Variants in PGBD5 observed in about 807,000 individuals in gnomAD.
The protein encoded by PGBD5 is piggyBac transposable element-derived protein 5.
PGBD5 carries 14 observed loss-of-function variants against 47.9 expected under a neutral mutation model. The ratio of observed to expected loss-of-function variants is 0.29; its 90% CI spans 0.19 to 0.46. The LOEUF is 0.46. Ranked by LOEUF, PGBD5 falls within the 20% of genes least tolerant of loss-of-function variation. The probability of loss-of-function intolerance (pLI) is 1.00; values close to 1 mark genes in which losing one functional copy is unlikely to be tolerated. For synonymous variants in PGBD5, 316 were observed against 306.3 expected, an observed-to-expected ratio of 1.03 and a Z score of -0.33; for missense variants, 635 against 716.0, an observed-to-expected ratio of 0.89 and a Z score of 1.29.
chr1:230,411,292 G>C (rs1657403060), intron 1 of PGBD5, among the ~76,000 whole-genome samples: 1 of 152,100 alleles, frequency 6.6e-6, no homozygotes, highest in Admixed American at 6.6e-5. Flanking sequence ...CTCAAAAAAG[G>C]GCGGAGAGGG....
At chr1:230,361,005 A>G (rs1405592838) in intron 1 of PGBD5, among the ~76,000 whole-genome samples, 3 of 152,156 alleles carry the variant, frequency 2.0e-5, no homozygotes, top group South Asian at 4.1e-4. Flanking sequence ...ACTCTAAGTG[A>G]CTCACAGCTG....
intron 1 of PGBD5, among the ~76,000 whole-genome samples, chr1:230,365,523 C>T (rs780099294): frequency 1.2e-4 from 18 of 152,300 alleles, no homozygotes; most frequent in African/African-American, 1.9e-4. Context: ...CAACACGACA[C>T]GTGAGATTTC....
chr1:230,389,610 G>A (rs1656738355), intron 1 of PGBD5, among the ~76,000 whole-genome samples: 1 of 152,164 alleles, frequency 6.6e-6, no homozygotes, highest in Non-Finnish European at 1.5e-5. Context: ...AGAGAAGCAG[G>A]GCTTTTCCAT....
chr1:230,351,189 G>T, intron 2 of PGBD5, 97 bp from the exon 3 acceptor site: 1 of 1,348,902 alleles, frequency 7.4e-7, no homozygotes, highest in Non-Finnish European at 9.8e-7. Context: ...CATTTGAGCA[G>T]CTCTGTGACC....
rs1666963773 is a variant in PGBD5, at chr1:230,317,204, A to G, written c.*6221T>C. ...CATGGCACCCTCAAGGGCACAGACC[A>G]CGTTGGGGTAACACGTGCCCAGTTC... On this transcript the variant is annotated 3_prime_UTR_variant, in exon 7 of 7. Coordinates refer to ENST00000391860, the MANE Select transcript of PGBD5 (RefSeq NM_001258311.2). 1 of 152,254 alleles carries G rather than the reference A, an allele frequency of 6.6e-6. No individual in the cohort carries two copies. The highest frequency in any genetic ancestry group is 1.5e-5 in the Non-Finnish European group (1 of 68,060). The allele number at this position is 152,254 out of a possible 1,614,324, so 9.4% of individuals were successfully genotyped here.
chr1:230,323,426 C>A lies in PGBD5; in HGVS notation c.1574G>T (p.Ter525LeuextTer77). ...TGACCGAGTCCTGCGCCCCCAGCAT[C>A]AGTGGGTCGGAGAGGCATCCTCCAA... ...LGLEDASPTH[*>L] Residue 525 changes from the stop codon to leucine (L), a stop_lost, in exon 7 of 7, where the codon TGA becomes TTA. Coordinates refer to ENST00000391860, the MANE Select transcript of PGBD5 (RefSeq NM_001258311.2). This position sits in a 1 kb window ranked among gnomAD's most constrained non-coding sequence, Gnocchi z 4.1. 1.2e-6 allele frequency: 2 copies of A among 1,612,512 alleles called. No individual in the cohort carries two copies. The highest frequency in any genetic ancestry group is 8.5e-7 in the Non-Finnish European group (1 of 1,179,226).
At chr1:230,388,446 C>T (rs181969132) in intron 1 of PGBD5, among the ~76,000 whole-genome samples, 1,515 of 147,684 alleles carry the variant, frequency 0.01, 30 homozygotes, top group African/African-American at 0.036. Flanking sequence ...GATGGAGTCT[C>T]GCTCTGTCGC....
At chr1:230,338,463 G>C (rs1040941589) in intron 3 of PGBD5, among the ~76,000 whole-genome samples, 1 of 152,184 alleles carries the variant, frequency 6.6e-6, no homozygotes, top group Non-Finnish European at 1.5e-5. Context: ...GCTCCTGGGG[G>C]CAACATGTAG....
At chr1:230,339,034 G>A (rs148814837) in intron 3 of PGBD5, among the ~76,000 whole-genome samples, 6 of 152,262 alleles carry the variant, frequency 3.9e-5, no homozygotes, top group East Asian at 1.9e-4. Context: ...CTGTTTGAGC[G>A]AATAACGGGG....
chr1:230,344,959 A>G (rs1281328911), intron 3 of PGBD5, among the ~76,000 whole-genome samples: 4 of 152,062 alleles, frequency 2.6e-5, no homozygotes, highest in Non-Finnish European at 5.9e-5. Flanking sequence ...GACACCTCCC[A>G]GGCATCTGCT....
chr1:230,366,585 C>G (rs1667837403), intron 1 of PGBD5, among the ~76,000 whole-genome samples: 3 of 152,160 alleles, frequency 2.0e-5, no homozygotes, highest in Admixed American at 2.0e-4. Flanking sequence ...GGTTCTGGAC[C>G]AGGCTCCAAC....
chr1:230,423,778 C>A (rs1258437185), intron 1 of PGBD5, among the ~76,000 whole-genome samples: 1 of 152,148 alleles, frequency 6.6e-6, no homozygotes, highest in Non-Finnish European at 1.5e-5. Context: ...CCGGCAATAA[C>A]CACTAATGTC....
chr1:230,332,781 G>C (rs1667241283), intron 5 of PGBD5, 63 bp downstream of exon 5: 2 of 1,587,698 alleles, frequency 1.3e-6, no homozygotes, highest in African/African-American at 1.3e-5. Context: ...CGCAGCGGTG[G>C]GCTCGGCCAA....
intron 1 of PGBD5, among the ~76,000 whole-genome samples, chr1:230,419,161 T>G (rs1217412758): frequency 1.3e-5 from 2 of 151,648 alleles, no homozygotes; most frequent in African/African-American, 4.9e-5. Flanking sequence ...TCAACCCAGG[T>G]GCCCATCAAT....
intron 1 of PGBD5, among the ~76,000 whole-genome samples, chr1:230,389,765 GA>G (rs1409838756): frequency 6.6e-6 from 1 of 152,202 alleles, no homozygotes; most frequent in African/African-American, 2.4e-5. Context: ...TTAAAATAGA[GA>G]AAGTTTAGCC....
At position 230,323,179 on chromosome 1, in the gene PGBD5, G is replaced by T; in HGVS notation, c.*246C>A. 2.0e-6 allele frequency: 1 copy of T among 509,190 alleles called. No homozygotes were observed. The highest frequency in any genetic ancestry group is 3.3e-5 in the East Asian group (1 of 30,384). The allele number at this position is 509,190 out of a possible 1,614,324, so 31.5% of individuals were successfully genotyped here. A position where few individuals can be genotyped will look rare whatever the true frequency, so the allele number is the denominator to read the frequency against. On this transcript the variant is annotated 3_prime_UTR_variant, in exon 7 of 7. Coordinates refer to ENST00000391860, the MANE Select transcript of PGBD5 (RefSeq NM_001258311.2). This position sits in a 1 kb window ranked among gnomAD's most constrained non-coding sequence, Gnocchi z 4.1. ...TGAGAGAATCTGCCCTTGAGAACGT[G>T]GGTGTAAGTGCTCATCACACCGGCG...
At chr1:230,348,812 T>C (rs139367043) in intron 3 of PGBD5, among the ~76,000 whole-genome samples, 1 of 152,242 alleles carries the variant, frequency 6.6e-6, no homozygotes, top group African/African-American at 2.4e-5. Flanking sequence ...CTGAGAAAGT[T>C]CTCATGCCAG....
chr1:230,426,158 C>G lies in PGBD5; in HGVS notation c.-230G>C, dbSNP rs1657780847. Reference sequence around the variant, plus strand: ...CTGCGGGCCGCGGCGGGAGGCGAGCCGCGCGCGGGGCTGGCAGGGGCGACC... The same window carrying G: ...CTGCGGGCCGCGGCGGGAGGCGAGCGGCGCGCGGGGCTGGCAGGGGCGACC... On this transcript the variant is annotated 5_prime_UTR_variant, in exon 1 of 7. Transcript: ENST00000391860. 1 of 145,922 alleles carries G rather than the reference C, an allele frequency of 6.9e-6. No homozygotes were observed. The highest frequency in any genetic ancestry group is 1.5e-5 in the Non-Finnish European group (1 of 65,566). 9.0% of individuals were successfully genotyped at this position (145,922 alleles called of 1,614,324 possible). A position where few individuals can be genotyped will look rare whatever the true frequency, so the allele number is the denominator to read the frequency against.
intron 1 of PGBD5, among the ~76,000 whole-genome samples, chr1:230,367,375 G>A (rs1163352309): frequency 2.6e-5 from 4 of 152,170 alleles, no homozygotes; most frequent in Non-Finnish European, 5.9e-5. Flanking sequence ...AAGGGACCAC[G>A]TCACCAGCCA....
Sources: gnomAD v4.1 joint callset for allele counts (sites outside exome capture counted in the v4.1 genomes callset) on GRCh38, gnomAD v4.1.1 for gene constraint, Gnocchi (gnomAD v3.1) non-coding constraint, MANE v1.5 for transcripts, NCBI Gene and HGNC (gene_info 2026-07-23, HGNC 2026-07-21) for gene names.